The following GRM7 variants were observed in gnomAD, a reference collection of about 807,000 sequenced individuals.
The protein encoded by GRM7 is glutamate metabotropic receptor 7.
Under a neutral mutation model 84.5 loss-of-function variants are expected in GRM7, and 35 were observed. The ratio of observed to expected loss-of-function variants is 0.41; its 90% CI spans 0.32 to 0.55. The LOEUF (loss-of-function observed/expected upper bound fraction) is 0.55. Ranked by LOEUF, GRM7 falls within the 20% of genes least tolerant of loss-of-function variation. GRM7 has a pLI of 0.19. For missense variants in GRM7, 1,003 were observed against 1,194.6 expected, an observed-to-expected ratio of 0.84 and a Z score of 2.36; for synonymous variants, 487 against 455.1, an observed-to-expected ratio of 1.07 and a Z score of -0.89.
At chr3:7,608,154 C>T in intron 8 of GRM7, 1 of 173,904 alleles carries the variant, frequency 5.8e-6, no homozygotes, top group South Asian at 9.4e-5. Flanking sequence ...CAGGTTGACT[C>T]CATGTCTTTG....
intron 1 of GRM7, among the ~76,000 whole-genome samples, chr3:6,963,742 T>C (rs1386525151): frequency 1.3e-5 from 2 of 152,232 alleles, no homozygotes; most frequent in African/African-American, 4.8e-5. Context: ...ATTTTATTCC[T>C]TTCTTATGTA....
intron 2 of GRM7, among the ~76,000 whole-genome samples, chr3:7,176,860 G>A (rs79623281): frequency 1.3e-5 from 2 of 152,114 alleles, no homozygotes; most frequent in South Asian, 2.1e-4. Context: ...GTGACTTCAG[G>A]AATCAGCTTT....
intron 7 of GRM7, among the ~76,000 whole-genome samples, chr3:7,525,070 A>C (rs1700738891): frequency 6.6e-6 from 1 of 150,860 alleles, no homozygotes; most frequent in Admixed American, 6.6e-5. Context: ...AACAATGAGA[A>C]CACATGGACA....
intron 7 of GRM7, among the ~76,000 whole-genome samples, chr3:7,494,811 T>G (rs999740228): frequency 6.6e-6 from 1 of 152,192 alleles, no homozygotes; most frequent in Non-Finnish European, 1.5e-5. Context: ...TAATATTATT[T>G]CCCTTGATGA....
At chr3:7,047,937 T>C (rs1168733130) in intron 1 of GRM7, among the ~76,000 whole-genome samples, 2 of 152,024 alleles carry the variant, frequency 1.3e-5, no homozygotes, top group Non-Finnish European at 1.5e-5. Flanking sequence ...TGCTTTATTA[T>C]AATTCGGTTT....
chr3:7,141,712 A>G (rs1290453706), intron 1 of GRM7, among the ~76,000 whole-genome samples: 2 of 152,028 alleles, frequency 1.3e-5, no homozygotes, highest in South Asian at 2.1e-4. Flanking sequence ...CTAAAATAGT[A>G]AAACACTGGC....
Position 7,385,742 on chromosome 3 carries a change from C to T in GRM7, c.1034-29281C>T, listed in dbSNP as rs550068591. ...TTTTGAGAATACTCTTCCATGTGTA[C>T]ACAAATGCATTGCAAGACATGAATA... On this transcript the variant is annotated intron_variant, in intron 4 of 9. Transcript: ENST00000357716. Among the ~76,000 whole-genome samples the T allele has an allele frequency of 7.9e-5, 12 of 152,256 alleles. No homozygotes were observed. The East Asian group carries it at 1.9e-3, about 24-fold the overall frequency.
chr3:7,632,310 G>C (rs963516204), intron 8 of GRM7, among the ~76,000 whole-genome samples: 15 of 152,182 alleles, frequency 9.9e-5, no homozygotes, highest in African/African-American at 3.6e-4. Flanking sequence ...GAGTGGGCAT[G>C]AGTAGCCATT....
At chr3:7,611,613 G>A (rs547266137) in intron 8 of GRM7, among the ~76,000 whole-genome samples, 1 of 152,134 alleles carries the variant, frequency 6.6e-6, no homozygotes, top group South Asian at 2.1e-4. Context: ...CCAAGAACTG[G>A]ATAAGGAAAC....
intron 6 of GRM7, among the ~76,000 whole-genome samples, chr3:7,460,099 T>TA (rs71066013): frequency 0.03 from 1,483 of 49,546 alleles, 93 homozygotes; most frequent in African/African-American, 0.081. Context: ...CTTAAAATAG[T>TA]AAAAAAAAAA....
chr3:7,536,506 C>T (rs568747369), intron 7 of GRM7, among the ~76,000 whole-genome samples: 28 of 152,298 alleles, frequency 1.8e-4, no homozygotes, highest in Middle Eastern at 3.4e-3. Context: ...GGTATTTATG[C>T]CCTTGTGTAA....
At chr3:7,596,577 A>G (rs1696055553) in intron 8 of GRM7, among the ~76,000 whole-genome samples, 1 of 152,140 alleles carries the variant, frequency 6.6e-6, no homozygotes, top group Non-Finnish European at 1.5e-5. Context: ...GGGAACAGTT[A>G]CCCAAAAAGT....
intron 9 of GRM7, among the ~76,000 whole-genome samples, chr3:7,682,793 C>G (rs1052902358): frequency 6.6e-5 from 10 of 152,156 alleles, no homozygotes; most frequent in Non-Finnish European, 1.3e-4. Context: ...TGTTAAAATG[C>G]TAACACTGAC....
At chr3:7,528,827 AGAGTGCCTTTTGGTATT>A (rs1454507449) in intron 7 of GRM7, among the ~76,000 whole-genome samples, 1 of 151,908 alleles carries the variant, frequency 6.6e-6, no homozygotes, top group Admixed American at 6.6e-5. Context: ...TGTGGTTTTG[AGAGTGCCTTTTGGTATT>A]GATTTCTATT....
Position 7,059,927 on chromosome 3 carries a change from C to T in GRM7, c.520-86525C>T, listed in dbSNP as rs187641640. ...AGATATTTCTGTTGTTTATAAGCTA[C>T]CCAGTTTATGTATTTTGTTATAGCA... On this transcript the variant is annotated intron_variant, in intron 1 of 9. Transcript: ENST00000357716. Among the ~76,000 whole-genome samples, 96 of 151,934 alleles carry T rather than the reference C, an allele frequency of 6.3e-4. 1 individual carries two copies. The highest frequency in any genetic ancestry group is 3.4e-3 in the Middle Eastern group (1 of 294).
At chr3:7,298,472 A>G in intron 2 of GRM7, 1 of 510,964 alleles carries the variant, frequency 2.0e-6, no homozygotes, top group East Asian at 3.2e-5. Context: ...GTGTACTATA[A>G]AGAGGATGTC....
At chr3:6,908,964 A>G (rs549323673) in intron 1 of GRM7, among the ~76,000 whole-genome samples, 2 of 152,270 alleles carry the variant, frequency 1.3e-5, no homozygotes, top group South Asian at 2.1e-4. Flanking sequence ...CTTTAAATTC[A>G]TGATCGACAT....
chr3:7,540,993 T>C (rs1692850145), intron 7 of GRM7, among the ~76,000 whole-genome samples: 2 of 152,182 alleles, frequency 1.3e-5, no homozygotes, highest in Admixed American at 1.3e-4. Flanking sequence ...TTAATAAAGC[T>C]TGGAAACAAA....
intron 1 of GRM7, among the ~76,000 whole-genome samples, chr3:7,006,384 T>C (rs1695183810): frequency 6.6e-6 from 1 of 152,202 alleles, no homozygotes; most frequent in Non-Finnish European, 1.5e-5. Context: ...CTAAGAAATG[T>C]AGTGTCACTC....
Sources: allele counts gnomAD v4.1 joint callset (sites outside exome capture counted in the v4.1 genomes callset), GRCh38; gene constraint gnomAD v4.1.1; transcripts MANE v1.5; gene names NCBI Gene and HGNC (gene_info 2026-07-23, HGNC 2026-07-21).